The following AUTS2 variants were observed in gnomAD, a reference collection of about 807,000 sequenced individuals.
AUTS2 encodes the protein autism susceptibility gene 2 protein.
Under a neutral mutation model 112.4 loss-of-function variants are expected in AUTS2, and 17 were observed. The observed-to-expected ratio is 0.15, with a 90% CI of 0.10 to 0.23. The LOEUF (loss-of-function observed/expected upper bound fraction) is 0.23, where lower values mean the gene tolerates loss of function less well. Among genes scored for constraint, AUTS2 ranks in the 10% least tolerant of loss-of-function variants. The probability of loss-of-function intolerance (pLI) is 1.00; values close to 1 mark genes in which losing one functional copy is unlikely to be tolerated. For missense variants in AUTS2, 1,510 were observed against 1,701.6 expected (o/e 0.89, Z 1.98); for synonymous variants, 751 against 702.7 (o/e 1.07, Z -1.09).
intron 5 of AUTS2, among the ~76,000 whole-genome samples, chr7:70,443,899 G>A (rs754008023): frequency 3.9e-5 from 6 of 152,140 alleles, no homozygotes; most frequent in African/African-American, 7.2e-5. Flanking sequence ...GCTAGCTTAC[G>A]GAATGTGTTT....
At chr7:70,429,953 T>C (rs977157352) in intron 4 of AUTS2, among the ~76,000 whole-genome samples, 5 of 152,152 alleles carry the variant, frequency 3.3e-5, no homozygotes, top group African/African-American at 1.2e-4. Context: ...TTCATAGGCC[T>C]TGTGAAGCAT....
chr7:70,581,555 A>G (rs945779004), intron 5 of AUTS2, among the ~76,000 whole-genome samples: 21 of 152,132 alleles, frequency 1.4e-4, no homozygotes, highest in African/African-American at 5.1e-4. Flanking sequence ...AAGAAAAAAA[A>G]ATGTTGAGAT....
rs141682708 is a variant in AUTS2, at chr7:70,391,076, C to T, written c.661-44676C>T. On this transcript the variant is annotated intron_variant, in intron 4 of 18. Coordinates refer to ENST00000342771, the MANE Select transcript of AUTS2 (RefSeq NM_015570.4). ...GGAATCCCCTGCAGAGCTTTTAAAT[C>T]CCACACGTACAGGCCACCATCCAGT... Among the ~76,000 whole-genome samples the T allele has an allele frequency of 4.4e-3, 666 of 152,312 alleles. 5 individuals carry two copies. Among genetic ancestry groups the T allele is most frequent in the African/African-American group, 0.015 (629 of 41,564 alleles).
At chr7:70,375,714 A>G (rs1437422690) in intron 4 of AUTS2, among the ~76,000 whole-genome samples, 2 of 152,210 alleles carry the variant, frequency 1.3e-5, no homozygotes, top group African/African-American at 4.8e-5. Context: ...TTTGGAATAC[A>G]AGTGTGTAAG....
chr7:70,308,063 G>C lies in AUTS2; in HGVS notation c.661-127689G>C, dbSNP rs78416620. On this transcript the variant is annotated intron_variant, in intron 4 of 18. Coordinates refer to ENST00000342771, the MANE Select transcript of AUTS2 (RefSeq NM_015570.4). Reference sequence around the variant, plus strand: ...AAGTTGTGTAGTTCAATGAATATTTGTTGACAGTGATTGAAACTTACATTG... The same window carrying C: ...AAGTTGTGTAGTTCAATGAATATTTCTTGACAGTGATTGAAACTTACATTG... Among the ~76,000 whole-genome samples the C allele has an allele frequency of 2.8e-3, 432 of 152,278 alleles. 16 individuals carry two copies. In the East Asian group the frequency reaches 0.071, roughly 25 times the overall value.
chr7:70,383,740 G>A (rs140031998), intron 4 of AUTS2, among the ~76,000 whole-genome samples: 2 of 152,224 alleles, frequency 1.3e-5, no homozygotes, highest in East Asian at 1.9e-4. Context: ...AGCAAAAATA[G>A]GGTGGTGGTG....
intron 1 of AUTS2, among the ~76,000 whole-genome samples, chr7:69,846,833 A>G (rs1438967931): frequency 6.6e-6 from 1 of 152,188 alleles, no homozygotes. Flanking sequence ...CTTGGCCTCC[A>G]AAGTGCTGGG....
intron 1 of AUTS2, among the ~76,000 whole-genome samples, chr7:69,649,334 C>T (rs1004186025): frequency 2.0e-5 from 3 of 152,188 alleles, no homozygotes; most frequent in Non-Finnish European, 4.4e-5. Flanking sequence ...CACTGTGTTT[C>T]TGTAGTCCAA....
intron 5 of AUTS2, among the ~76,000 whole-genome samples, chr7:70,510,194 G>A (rs1310031809): frequency 1.3e-5 from 2 of 152,180 alleles, no homozygotes; most frequent in Admixed American, 6.5e-5. Flanking sequence ...GGGCCCTGGT[G>A]CTCTGACAGC....
At chr7:69,788,907 C>T (rs1030985426) in intron 1 of AUTS2, among the ~76,000 whole-genome samples, 3 of 152,106 alleles carry the variant, frequency 2.0e-5, no homozygotes, top group Non-Finnish European at 4.4e-5. Context: ...GTCTAGCACT[C>T]TGAGTTATAA....
Position 70,095,515 on chromosome 7 carries a change from G to A in AUTS2, c.523-22617G>A, listed in dbSNP as rs1264373197. ...GCATTAAGGCACTTCTGTTATTCAT[G>A]AATATGTACATTCACTTAACATATT... On this transcript the variant is annotated intron_variant, in intron 2 of 18. Transcript: ENST00000342771. 3.3e-5 allele frequency among the ~76,000 whole-genome samples: 5 copies of A among 152,088 alleles called. No individual in the cohort carries two copies. The South Asian group carries it at 1.0e-3, about 32-fold the overall frequency.
chr7:69,897,105 C>A (rs926889707), intron 1 of AUTS2, among the ~76,000 whole-genome samples: 3 of 152,106 alleles, frequency 2.0e-5, no homozygotes, highest in African/African-American at 7.2e-5. Context: ...ATGTACTGGG[C>A]ACACAAAACA....
intron 1 of AUTS2, among the ~76,000 whole-genome samples, chr7:69,895,543 T>TTCC (rs1794705518): frequency 7.6e-6 from 1 of 131,872 alleles, no homozygotes; most frequent in African/African-American, 2.9e-5. Context: ...TCTCTCTTCT[T>TTCC]CCCCCCCCCC....
intron 4 of AUTS2, among the ~76,000 whole-genome samples, chr7:70,269,150 G>A (rs953688726): frequency 1.3e-5 from 2 of 152,062 alleles, no homozygotes; most frequent in African/African-American, 4.8e-5. Context: ...CTATAACAAC[G>A]GTGATTGCCA....
intron 4 of AUTS2, among the ~76,000 whole-genome samples, chr7:70,362,876 A>G (rs1441180458): frequency 6.6e-6 from 1 of 152,232 alleles, no homozygotes; most frequent in Non-Finnish European, 1.5e-5. Flanking sequence ...ACAGTGGTGA[A>G]CATGGAGGTG....
At chr7:70,733,471 G>T (rs1585592447) in intron 6 of AUTS2, among the ~76,000 whole-genome samples, 1 of 152,182 alleles carries the variant, frequency 6.6e-6, no homozygotes, top group Non-Finnish European at 1.5e-5. Flanking sequence ...ATACAGAAAA[G>T]TGAAGATCAT....
chr7:70,762,818 C>A, intron 6 of AUTS2, 52 bp from the exon 7 acceptor site: 1 of 1,332,146 alleles, frequency 7.5e-7, no homozygotes, highest in Non-Finnish European at 1.1e-6. Flanking sequence ...CCTCCTTATG[C>A]CACACTCGCA....
intron 1 of AUTS2, among the ~76,000 whole-genome samples, chr7:69,884,401 A>G (rs775884891): frequency 6.6e-6 from 1 of 152,232 alleles, no homozygotes; most frequent in Non-Finnish European, 1.5e-5. Flanking sequence ...AGCATAGATT[A>G]TGAGTTTAAA....
intron 4 of AUTS2, among the ~76,000 whole-genome samples, chr7:70,316,381 T>TA (rs1179799965): frequency 6.6e-6 from 1 of 150,474 alleles, no homozygotes; most frequent in African/African-American, 2.4e-5. Flanking sequence ...CAGCCATTGC[T>TA]GATGGAGCCA....
Sources: allele counts gnomAD v4.1 joint callset (sites outside exome capture counted in the v4.1 genomes callset), GRCh38; gene constraint gnomAD v4.1.1; transcripts MANE v1.5; gene names NCBI Gene and HGNC (gene_info 2026-07-23, HGNC 2026-07-21).